Variants in POLR2M observed in about 807,000 individuals in gnomAD.
POLR2M encodes protein GRINL1A.
POLR2M carries 30 observed loss-of-function variants against 34.6 expected under a neutral mutation model. That is an observed-to-expected ratio of 0.87 (90% CI 0.65 to 1.18). The LOEUF (loss-of-function observed/expected upper bound fraction) is 1.18, where lower values mean the gene tolerates loss of function less well. Among genes scored for constraint, POLR2M ranks in the 50% most tolerant of loss-of-function variants. POLR2M has a pLI of 0.00. For synonymous variants in POLR2M, 150 were observed against 166.7 expected, an observed-to-expected ratio of 0.90 and a Z score of 0.77; for missense variants, 432 against 448.7, an observed-to-expected ratio of 0.96 and a Z score of 0.34.
intron 3 of POLR2M, among the ~76,000 whole-genome samples, chr15:57,713,298 A>G (rs1034324750): frequency 1.3e-5 from 2 of 151,864 alleles, no homozygotes; most frequent in Non-Finnish European, 2.9e-5. Flanking sequence ...GAAAAAAACC[A>G]TTTTTCTTTC....
chr15:57,713,401 A>G (rs1338607728), intron 3 of POLR2M, among the ~76,000 whole-genome samples: 1 of 151,080 alleles, frequency 6.6e-6, no homozygotes, highest in Non-Finnish European at 1.5e-5. Context: ...AGATATTTTT[A>G]GGTTGAATTA....
Position 57,708,889 on chromosome 15 carries a change from G to A in POLR2M, c.289G>A (p.Asp97Asn). ...KAIAEVDVGTDKAQNSDPILD... is the reference protein window; with the variant it reads ...KAIAEVDVGTNKAQNSDPILD... Reference sequence around the variant, plus strand: ...AATTGCAGAAGTTGATGTGGGTACAGATAAGGCCCAGAATTCTGACCCGAT... The same window carrying A: ...AATTGCAGAAGTTGATGTGGGTACAAATAAGGCCCAGAATTCTGACCCGAT... The change falls in exon 2 of 4, where the codon GAT (aspartate) becomes AAT (asparagine). Residue 97 changes from aspartate to asparagine, a missense_variant. Transcript: ENST00000299638. The A allele has an allele frequency of 6.2e-7, 1 of 1,614,058 alleles. No individual in the cohort carries two copies. The highest frequency in any genetic ancestry group is 1.3e-5 in the African/African-American group (1 of 75,052).
chr15:57,713,616 T>C (rs2140837071), intron 3 of POLR2M, among the ~76,000 whole-genome samples: 1 of 152,256 alleles, frequency 6.6e-6, no homozygotes, highest in Admixed American at 6.5e-5. Flanking sequence ...TTAAGTACAT[T>C]GCCAGTGTCT....
chr15:57,711,136 CCTT>C (rs1344758400), intron 2 of POLR2M, among the ~76,000 whole-genome samples: 1 of 152,208 alleles, frequency 6.6e-6, no homozygotes, highest in Non-Finnish European at 1.5e-5. Flanking sequence ...AGTGCCACCA[CCTT>C]CTCGGTTTTC....
intron 2 of POLR2M, among the ~76,000 whole-genome samples, chr15:57,711,745 G>GAAAA (rs11459856): frequency 2.2e-4 from 27 of 125,284 alleles, no homozygotes; most frequent in Middle Eastern, 4.5e-3. Flanking sequence ...TTGAATAAAT[G>GAAAA]AAAAAAAAAA....
At chr15:57,709,853 C>T (rs567336879) in intron 2 of POLR2M, among the ~76,000 whole-genome samples, 5 of 152,078 alleles carry the variant, frequency 3.3e-5, no homozygotes, top group Admixed American at 2.6e-4. Context: ...TCAAAGTGTA[C>T]TCTCTTTGAT....
At chr15:57,707,115 G>C in intron 1 of POLR2M, 160 bp downstream of exon 1, 2 of 1,544,388 alleles carry the variant, frequency 1.3e-6, no homozygotes, top group Non-Finnish European at 1.8e-6. Flanking sequence ...GGCTTGCTGC[G>C]GCAGAGCCGT....
At chr15:57,707,757 A>G (rs546427776) in intron 1 of POLR2M, among the ~76,000 whole-genome samples, 8 of 152,372 alleles carry the variant, frequency 5.3e-5, no homozygotes, top group African/African-American at 1.9e-4. Context: ...AGAGCAGGAC[A>G]GACATTTGGT....
At chr15:57,714,387 G>A (rs2040861066) in intron 3 of POLR2M, 149 bp from the exon 4 acceptor site, 3 of 1,336,284 alleles carry the variant, frequency 2.2e-6, no homozygotes, top group South Asian at 2.9e-5. Flanking sequence ...TGTCTGATAG[G>A]GCACAGCCAT....
rs2040975523 is a variant in POLR2M at position 57,717,065 on chromosome 15, A to T, written c.*2386A>T. 2.6e-5 allele frequency: 4 copies of T among 152,112 alleles called. No homozygotes were observed. The highest frequency in any genetic ancestry group is 2.0e-4 in the Admixed American group (3 of 15,264). 9.4% of individuals were successfully genotyped at this position (152,112 alleles called of 1,614,324 possible). On this transcript the variant is annotated 3_prime_UTR_variant, in exon 4 of 4. Transcript: ENST00000299638. ...TTATATAAGGTAGGGATTTGATTTTATTTCGAAGAATTTACCAATTGGTTC... is the reference window on the plus strand; with the variant it reads ...TTATATAAGGTAGGGATTTGATTTTTTTTCGAAGAATTTACCAATTGGTTC...
chr15:57,706,728 A>C lies in POLR2M; in HGVS notation c.-115A>C. 1 of 1,204,274 alleles carries C rather than the reference A, an allele frequency of 8.3e-7. No individual in the cohort carries two copies. Among genetic ancestry groups the C allele is most frequent in the Non-Finnish European group, 1.2e-6 (1 of 868,298 alleles). 74.6% of individuals were successfully genotyped at this position (1,204,274 alleles called of 1,614,324 possible). A position where few individuals can be genotyped will look rare whatever the true frequency, so the allele number is the denominator to read the frequency against. On this transcript the variant is annotated 5_prime_UTR_variant, in exon 1 of 4. The change abolishes an upstream ATG in the 5' untranslated region. Transcript: ENST00000299638. ...AAGAAGACCCCGTTCTTCCGGGAAAATGGCGACTCCCGCTCGTGCCCCGGA... is the reference window on the plus strand; with the variant it reads ...AAGAAGACCCCGTTCTTCCGGGAAACTGGCGACTCCCGCTCGTGCCCCGGA...
At position 57,714,617 on chromosome 15, in the gene POLR2M, T is replaced by A. The variant is rs765441397; in HGVS notation, c.1045T>A (p.Ser349Thr). 2.5e-6 allele frequency: 4 copies of A among 1,612,204 alleles called. No homozygotes were observed. Among genetic ancestry groups the A allele is most frequent in the Non-Finnish European group, 2.5e-6 (3 of 1,179,618 alleles). ...GCGGAGTTATAATCCAGAAGGGGAG[T>A]CTTCAGGGAGATACCGAGAAGTAAG... The part of the protein sequence containing the change: ...KMRSYNPEGE[S>T]SGRYREVRDE... Residue 349 changes from serine to threonine, a missense_variant, in exon 4 of 4, where the codon TCT becomes ACT. By Grantham distance (58) the Ser-to-Thr change is moderately conservative. Transcript: ENST00000299638.
Position 57,708,995 on chromosome 15 carries a change from T to C in POLR2M, c.395T>C (p.Leu132Pro), listed in dbSNP as rs2040601960. 1.9e-6 allele frequency: 3 copies of C among 1,614,020 alleles called. No homozygotes were observed. The highest frequency in any genetic ancestry group is 2.5e-6 in the Non-Finnish European group (3 of 1,179,912). Reference protein sequence around the residue: ...KSSQTSQNQGLGRPTLEGDEE... With the variant: ...KSSQTSQNQGPGRPTLEGDEE... ...TCTCAAACCTCACAAAACCAGGGAC[T>C]TGGACGTCCTACTCTTGAAGGTGAT... The change falls in exon 2 of 4, where the codon CTT (leucine) becomes CCT (proline). Residue 132 changes from leucine to proline, a missense_variant. Transcript: ENST00000299638.
intron 1 of POLR2M, 138 bp downstream of exon 1, chr15:57,707,093 G>T: frequency 1.3e-6 from 2 of 1,549,230 alleles, no homozygotes; most frequent in Non-Finnish European, 1.7e-6. Flanking sequence ...TCCTACGGGC[G>T]AGTGGACGGA....
Position 57,708,842 on chromosome 15 carries a change from A to G in POLR2M, c.242A>G (p.Asp81Gly). The G allele has an allele frequency of 1.2e-6, 2 of 1,613,992 alleles. No homozygotes were observed. Among genetic ancestry groups the G allele is most frequent in the Non-Finnish European group, 1.7e-6 (2 of 1,179,874 alleles). The change falls in exon 2 of 4, where the codon GAC becomes GGC. Residue 81 changes from aspartate (D) to glycine (G), a missense_variant. Transcript: ENST00000299638. The part of the protein sequence containing the change: ...KSELFNPVSL[D>G]CKLRQKAIAE... ...GAACTGTTTAACCCTGTTAGTTTAG[A>G]CTGTAAGCTAAGGCAAAAAGCAATT...
rs185049296 is a variant in POLR2M, at chr15:57,717,059, G to T, written c.*2380G>T. ...GTTATATTATATAAGGTAGGGATTT[G>T]ATTTTATTTCGAAGAATTTACCAAT... On this transcript the variant is annotated 3_prime_UTR_variant, in exon 4 of 4. Coordinates refer to ENST00000299638, the MANE Select transcript of POLR2M (RefSeq NM_015532.5). 4.6e-3 allele frequency: 705 copies of T among 152,236 alleles called. 7 individuals carry two copies. The highest frequency in any genetic ancestry group is 0.016 in the African/African-American group (647 of 41,546). The allele number at this position is 152,236 out of a possible 1,614,324, so 9.4% of individuals were successfully genotyped here. A position where few individuals can be genotyped will look rare whatever the true frequency, so the allele number is the denominator to read the frequency against.
At chr15:57,712,500 C>G (rs551996794) in intron 3 of POLR2M, among the ~76,000 whole-genome samples, 2 of 152,152 alleles carry the variant, frequency 1.3e-5, no homozygotes, top group East Asian at 1.9e-4. Context: ...TCGCATCTCT[C>G]CCTTTCACCT....
intron 1 of POLR2M, 133 bp downstream of exon 1, chr15:57,707,088 C>T (rs1448305961): frequency 1.3e-6 from 2 of 1,549,958 alleles, no homozygotes; most frequent in South Asian, 1.2e-5. Context: ...TTCAGTCCTA[C>T]GGGCGAGTGG....
At chr15:57,707,125 T>A (rs1288202009) in intron 1 of POLR2M, 170 bp downstream of exon 1, 2 of 1,540,602 alleles carry the variant, frequency 1.3e-6, no homozygotes, top group Admixed American at 4.0e-5. Context: ...GGCAGAGCCG[T>A]GCCTCTTCCT....
Sources: gnomAD v4.1 joint callset for allele counts (sites outside exome capture counted in the v4.1 genomes callset) on GRCh38, gnomAD v4.1.1 for gene constraint, MANE v1.5 for transcripts, NCBI Gene and HGNC (gene_info 2026-07-23, HGNC 2026-07-21) for gene names.